Variants in SCN2A observed in about 807,000 individuals in gnomAD.
SCN2A encodes the protein sodium channel protein type 2 subunit alpha.
Under a neutral mutation model 188.7 loss-of-function variants are expected in SCN2A, and 20 were observed. The ratio of observed to expected loss-of-function variants is 0.11; its 90% CI spans 0.07 to 0.15. The LOEUF is 0.15. Among genes scored for constraint, SCN2A ranks in the 10% least tolerant of loss-of-function variants. The probability of loss-of-function intolerance (pLI) is 1.00; values close to 1 mark genes in which losing one functional copy is unlikely to be tolerated. For missense variants in SCN2A, 1,278 were observed against 2,445.0 expected (o/e 0.52, Z 10.07); for synonymous variants, 804 against 833.1 (o/e 0.97, Z 0.60).
chr2:165,369,259 G>A (rs12467383), intron 19 of SCN2A, among the ~76,000 whole-genome samples: 31,419 of 152,028 alleles, frequency 0.21, 3,960 homozygotes, highest in East Asian at 0.34. Flanking sequence ...AGTAGAGAGA[G>A]AACTATGAAG....
intron 17 of SCN2A, among the ~76,000 whole-genome samples, chr2:165,362,542 A>G (rs937893782): frequency 7.2e-5 from 11 of 152,096 alleles, no homozygotes; most frequent in Admixed American, 2.0e-4. Flanking sequence ...TTGAAAACAG[A>G]CAGTGTATCT....
intron 23 of SCN2A, among the ~76,000 whole-genome samples, 162 bp downstream of exon 23, chr2:165,377,812 T>A (rs1701390312): frequency 6.6e-6 from 1 of 151,944 alleles, no homozygotes; most frequent in African/African-American, 2.4e-5. Context: ...TCTTTCAAAA[T>A]TATCATAGGA....
At chr2:165,314,539 T>G (rs1429210571) in intron 10 of SCN2A, among the ~76,000 whole-genome samples, 1 of 152,134 alleles carries the variant, frequency 6.6e-6, no homozygotes, top group Non-Finnish European at 1.5e-5. Flanking sequence ...ACTAAGAAAA[T>G]TATTTCATTG....
intron 22 of SCN2A, among the ~76,000 whole-genome samples, chr2:165,376,634 C>T (rs1701328223): frequency 6.6e-6 from 1 of 151,902 alleles, no homozygotes; most frequent in South Asian, 2.1e-4. Flanking sequence ...AATCTAGGCA[C>T]TCATTGTTTT....
Position 165,256,000 on chromosome 2 carries a change from C to CTT in SCN2A, c.-52+16379_-52+16380dup, listed in dbSNP as rs765804959. Among the ~76,000 whole-genome samples the CTT allele has an allele frequency of 3.3e-3, 295 of 88,460 alleles. 10 individuals are homozygous for CTT. Among genetic ancestry groups the CTT allele is most frequent in the Non-Finnish European group, 3.6e-3 (179 of 49,384 alleles). The allele number at this position is 88,460 out of a possible 152,430, so 58.0% of individuals were successfully genotyped here. On this transcript the variant is annotated intron_variant, in intron 1 of 26. Transcript: ENST00000375437. ...AAATGTTTTCATTTGGGGCTCTTTT[C>CTT]TTTTTTTTTTTTTTTTTTTTGGTGA...
intron 3 of SCN2A, 63 bp downstream of exon 3, chr2:165,297,198 C>T (rs1696555269): frequency 2.0e-6 from 2 of 985,488 alleles, no homozygotes; most frequent in Non-Finnish European, 1.6e-6. Context: ...TTGAGCTACA[C>T]ATTTTCCAAA....
intron 1 of SCN2A, among the ~76,000 whole-genome samples, chr2:165,286,591 A>G (rs1695843243): frequency 6.6e-6 from 1 of 152,236 alleles, no homozygotes; most frequent in South Asian, 2.1e-4. Flanking sequence ...CAGGCCTTAC[A>G]GGGCTGCTTG....
intron 11 of SCN2A, among the ~76,000 whole-genome samples, chr2:165,319,581 T>C (rs1206171860): frequency 6.6e-6 from 1 of 152,204 alleles, no homozygotes; most frequent in African/African-American, 2.4e-5. Flanking sequence ...GAGGTTTAAT[T>C]GGACTTACAG....
intron 1 of SCN2A, among the ~76,000 whole-genome samples, chr2:165,257,829 C>T (rs1694397128): frequency 6.6e-6 from 1 of 152,152 alleles, no homozygotes; most frequent in South Asian, 2.1e-4. Context: ...TGAGCCACCA[C>T]ACCCAGCCTC....
chr2:165,354,079 A>T, intron 16 of SCN2A, 113 bp from the exon 17 acceptor site: 5 of 1,277,268 alleles, frequency 3.9e-6, no homozygotes, highest in Non-Finnish European at 5.7e-6. Flanking sequence ...GAATTAGCAG[A>T]AATGCATGTT....
At chr2:165,258,696 A>G (rs1412965320) in intron 1 of SCN2A, among the ~76,000 whole-genome samples, 1 of 152,228 alleles carries the variant, frequency 6.6e-6, no homozygotes, top group Non-Finnish European at 1.5e-5. Context: ...ATACTCATCA[A>G]CAGTGGACTG....
At chr2:165,265,997 T>C (rs35488368) in intron 1 of SCN2A, among the ~76,000 whole-genome samples, 2,971 of 151,952 alleles carry the variant, frequency 0.02, 39 homozygotes, top group Middle Eastern at 0.034. Context: ...TTTATTACAT[T>C]TCTGTTATAA....
chr2:165,374,278 T>C (rs918829094), intron 21 of SCN2A, among the ~76,000 whole-genome samples: 4 of 152,150 alleles, frequency 2.6e-5, no homozygotes, highest in African/African-American at 9.6e-5. Flanking sequence ...ATATTTTCTG[T>C]GTGGAATTTG....
chr2:165,381,317 A>G, intron 25 of SCN2A, 120 bp downstream of exon 25: 1 of 693,248 alleles, frequency 1.4e-6, no homozygotes, highest in Non-Finnish European at 2.6e-6. Context: ...TACCTTAACA[A>G]TGGGACTAGC....
intron 22 of SCN2A, among the ~76,000 whole-genome samples, chr2:165,376,045 T>G (rs1701297348): frequency 6.6e-6 from 1 of 151,670 alleles, no homozygotes; most frequent in Non-Finnish European, 1.5e-5. Flanking sequence ...CACCAGGGGC[T>G]GGGGGATGAT....
intron 1 of SCN2A, chr2:165,269,939 TC>T (rs774760756): frequency 2.0e-5 from 3 of 151,960 alleles, no homozygotes; most frequent in Non-Finnish European, 4.4e-5. Context: ...AATTTTTCAA[TC>T]CCAATTCTTC....
chr2:165,254,234 T>A (rs1032496580), intron 1 of SCN2A, among the ~76,000 whole-genome samples: 3 of 151,790 alleles, frequency 2.0e-5, no homozygotes, highest in Non-Finnish European at 4.4e-5. Flanking sequence ...TTTTGGCCCA[T>A]TAATGTCATG....
intron 11 of SCN2A, 35 bp downstream of exon 11, chr2:165,315,793 TAAATTTTTTA>T: frequency 6.3e-7 from 1 of 1,598,512 alleles, no homozygotes; most frequent in East Asian, 2.2e-5. Flanking sequence ...TGTGTTCTCA[TAAATTTTTTA>T]AAAAAATATG....
chr2:165,359,579 TC>T (rs1438353737), intron 17 of SCN2A, among the ~76,000 whole-genome samples: 1 of 152,042 alleles, frequency 6.6e-6, no homozygotes, highest in East Asian at 1.9e-4. Context: ...ATTGTCCACT[TC>T]CTAAAAAAAT....
Sources: gnomAD v4.1 joint callset for allele counts (sites outside exome capture counted in the v4.1 genomes callset) on GRCh38, gnomAD v4.1.1 for gene constraint, MANE v1.5 for transcripts, NCBI Gene and HGNC (gene_info 2026-07-23, HGNC 2026-07-21) for gene names.